TPTE2: variants seen among roughly 807,000 people sequenced by gnomAD.
TPTE2 encodes phosphatidylinositol 3,4,5-trisphosphate 3-phosphatase TPTE2.
Under a neutral mutation model 78.6 loss-of-function variants are expected in TPTE2, and 53 were observed. The observed-to-expected ratio is 0.67, with a 90% CI of 0.54 to 0.85. The LOEUF (loss-of-function observed/expected upper bound fraction) is 0.85. Among genes scored for constraint, TPTE2 ranks in the 40% least tolerant of loss-of-function variants. The pLI is 0.00. For missense variants in TPTE2, 461 were observed against 623.0 expected (o/e 0.74, Z 2.77); for synonymous variants, 175 against 206.2 (o/e 0.85, Z 1.30).
chr13:19,482,883 G>A (rs2137614191), intron 3 of TPTE2, among the ~76,000 whole-genome samples: 1 of 151,660 alleles, frequency 6.6e-6, no homozygotes, highest in East Asian at 1.9e-4. Flanking sequence ...ATATATCAAA[G>A]ACATTGTGGG....
At position 19,486,979 on chromosome 13, in the gene TPTE2, T is replaced by C. The variant is rs1880699802; in HGVS notation, c.120-4432A>G. 6.6e-6 allele frequency among the ~76,000 whole-genome samples: 1 copy of C among 152,134 alleles called. No homozygotes were observed. Among genetic ancestry groups the C allele is most frequent in the Non-Finnish European group, 1.5e-5 (1 of 68,014 alleles). Reference sequence around the variant, plus strand: ...GGGCATGTCTTCTGGAAGTAGCCCATGGAGCTCTTTCTTAGGTCCAGGACA... The same window carrying C: ...GGGCATGTCTTCTGGAAGTAGCCCACGGAGCTCTTTCTTAGGTCCAGGACA... On this transcript the variant is annotated intron_variant, in intron 3 of 19. Coordinates refer to ENST00000400230, the Ensembl canonical transcript of TPTE2. The surrounding 1 kb of genome is among the most constrained non-coding windows in gnomAD (Gnocchi z 4.3).
At chr13:19,427,139 A>AGTGGCAT in intron 17 of TPTE2, among the ~76,000 whole-genome samples, 1 of 125,648 alleles carries the variant, frequency 8.0e-6, no homozygotes, top group African/African-American at 3.3e-5. Flanking sequence ...GCTGGAGTAC[A>AGTGGCAT]GTGGCATGAT....
chr13:19,438,736 A>G (rs952917005), intron 13 of TPTE2, among the ~76,000 whole-genome samples: 3 of 152,218 alleles, frequency 2.0e-5, no homozygotes, highest in Non-Finnish European at 4.4e-5. Context: ...ATAGCAAGCA[A>G]GTACATAAAG....
At chr13:19,428,484 A>AAAC (rs1876312087) in intron 17 of TPTE2, among the ~76,000 whole-genome samples, 1 of 152,212 alleles carries the variant, frequency 6.6e-6, no homozygotes, top group Non-Finnish European at 1.5e-5. Flanking sequence ...AAACTTGGAA[A>AAAC]AACAACAACA....
At chr13:19,448,884 G>C (rs1405656500) in intron 13 of TPTE2, among the ~76,000 whole-genome samples, 1 of 152,190 alleles carries the variant, frequency 6.6e-6, no homozygotes, top group Non-Finnish European at 1.5e-5. Context: ...AAGCTATGGA[G>C]TCAATCTAAA....
intron 4 of TPTE2, among the ~76,000 whole-genome samples, chr13:19,478,321 AC>A (rs1232837663): frequency 1.2e-4 from 18 of 152,206 alleles, no homozygotes; most frequent in African/African-American, 4.3e-4. Flanking sequence ...CAAGAAAAAA[AC>A]AAACAACCCC....
At chr13:19,452,986 A>ATTTTATTTTATTTTATTTTAT (rs1555249725) in intron 10 of TPTE2, among the ~76,000 whole-genome samples, 1 of 19,926 alleles carries the variant, frequency 5.0e-5, no homozygotes, top group African/African-American at 7.4e-5. Flanking sequence ...ATTTTATTTT[A>ATTTTATTTTATTTTATTTTAT]TTTATTTTAT....
At chr13:19,508,152 T>C (rs535823463), upstream of TPTE2, among the ~76,000 whole-genome samples, 29 of 152,220 alleles carry the variant, frequency 1.9e-4, no homozygotes, top group East Asian at 4.6e-3. Context: ...ACCAGGACAC[T>C]TTTGAAAGGA....
At chr13:19,437,038 GACAC>G (rs376691875) in intron 14 of TPTE2, among the ~76,000 whole-genome samples, 6 of 146,002 alleles carry the variant, frequency 4.1e-5, no homozygotes, top group South Asian at 4.5e-4. Context: ...AAACCTAGGA[GACAC>G]ACACACACAC....
At chr13:19,472,364 T>C (rs1209047639) in intron 6 of TPTE2, among the ~76,000 whole-genome samples, 3 of 152,196 alleles carry the variant, frequency 2.0e-5, no homozygotes, top group Admixed American at 2.0e-4. Context: ...TTCTTTCCTT[T>C]GTCTCCTCTA....
At chr13:19,493,463 G>T (rs773842042) in exon 2 of TPTE2, 3 of 1,613,680 alleles carry the variant, frequency 1.9e-6, no homozygotes, top group African/African-American at 1.3e-5. Flanking sequence ...TTTCGCAGGT[G>T]CCTCCTCGGT....
At chr13:19,543,778 A>C in the TPTE2 span, among the ~76,000 whole-genome samples, 1 of 152,148 alleles carries the variant, frequency 6.6e-6, no homozygotes, top group African/African-American at 2.4e-5. Context: ...CAAGAAGCCA[A>C]GAGGCCAGGC....
intron 1 of TPTE2, among the ~76,000 whole-genome samples, chr13:19,527,318 G>A (rs1185623415): frequency 6.6e-6 from 1 of 152,166 alleles, no homozygotes; most frequent in Non-Finnish European, 1.5e-5. Context: ...GACTTGAAAT[G>A]TTCCCAACAT....
upstream of TPTE2, among the ~76,000 whole-genome samples, chr13:19,537,136 T>C (rs932829990): frequency 1.3e-5 from 2 of 151,860 alleles, no homozygotes; most frequent in Non-Finnish European, 2.9e-5. Context: ...CTGAGCATTA[T>C]TTTATATCTT....
At chr13:19,497,690 A>C (rs1408513210) in intron 1 of TPTE2, among the ~76,000 whole-genome samples, 2 of 149,798 alleles carry the variant, frequency 1.3e-5, no homozygotes, top group Admixed American at 6.7e-5. Context: ...TAAAACCACA[A>C]AGATGGGGAA....
chr13:19,556,155 G>C, the TPTE2 span, among the ~76,000 whole-genome samples: 2 of 152,190 alleles, frequency 1.3e-5, no homozygotes, highest in Admixed American at 6.5e-5. Flanking sequence ...TTGAGCTGGG[G>C]AGAGGCGATT....
chr13:19,437,967 C>T lies in TPTE2; in HGVS notation c.1035+125G>A. The T allele has an allele frequency of 2.9e-6, 4 of 1,369,850 alleles. No individual in the cohort carries two copies. In the East Asian group the frequency reaches 7.4e-5, roughly 25 times the overall value. 84.9% of individuals were successfully genotyped at this position (1,369,850 alleles called of 1,614,324 possible). ...TCAAAAATAGACTTTCTAAAAACTG[C>T]TTCTCTAATTACAATTTTACTAAGC... On this transcript the variant is annotated intron_variant, in intron 14 of 19. Coordinates refer to ENST00000400230, the Ensembl canonical transcript of TPTE2.
chr13:19,531,266 G>GT (rs1426567960), intron 1 of TPTE2, among the ~76,000 whole-genome samples: 1 of 152,056 alleles, frequency 6.6e-6, no homozygotes, highest in African/African-American at 2.4e-5. Flanking sequence ...CATTTGAGTT[G>GT]TTTCCACATT....
At chr13:19,520,074 T>C (rs868144494) in intron 1 of TPTE2, among the ~76,000 whole-genome samples, 9 of 152,232 alleles carry the variant, frequency 5.9e-5, no homozygotes, top group Non-Finnish European at 1.2e-4. Flanking sequence ...ATATAACTAA[T>C]TTTTTGCACA....
Sources: allele counts gnomAD v4.1 joint callset (sites outside exome capture counted in the v4.1 genomes callset), GRCh38; gene constraint gnomAD v4.1.1; non-coding constraint Gnocchi (gnomAD v3.1); transcripts MANE v1.5; gene names NCBI Gene and HGNC (gene_info 2026-07-23, HGNC 2026-07-21).